The following LRRC69 variants were observed in gnomAD, a reference collection of about 807,000 sequenced individuals.
LRRC69 encodes leucine-rich repeat-containing protein 69.
A neutral mutation model predicts 37.8 loss-of-function variants in LRRC69; 42 were observed. The observed-to-expected ratio is 1.11, with a 90% CI of 0.87 to 1.44. LRRC69 has a LOEUF of 1.44. Ranked by LOEUF, LRRC69 falls within the 40% of genes most tolerant of loss-of-function variation. The pLI is 0.00. For synonymous variants in LRRC69, 141 were observed against 143.1 expected, an observed-to-expected ratio of 0.99 and a Z score of 0.11; for missense variants, 357 against 401.9, an observed-to-expected ratio of 0.89 and a Z score of 0.96.
exon 7 of LRRC69, chr8:91,200,642 G>A (rs1321434787): frequency 1.0e-5 from 15 of 1,458,364 alleles, no homozygotes; most frequent in Non-Finnish European, 1.4e-5. Flanking sequence ...TAATGAATCA[G>A]CTAGCAGAAA....
chr8:91,125,852 GT>G (rs1314804036), intron 2 of LRRC69, among the ~76,000 whole-genome samples: 1 of 151,428 alleles, frequency 6.6e-6, no homozygotes, highest in Non-Finnish European at 1.5e-5. Context: ...AATGTCTTTA[GT>G]TTCTATATTT....
At chr8:91,135,837 G>A in intron 5 of LRRC69, 98 bp downstream of exon 5, 2 of 559,052 alleles carry the variant, frequency 3.6e-6, no homozygotes, top group Non-Finnish European at 5.9e-6. Context: ...TGTAGTAATT[G>A]AAACCTTAAA....
intron 6 of LRRC69, among the ~76,000 whole-genome samples, chr8:91,198,538 A>G (rs1315601108): frequency 2.0e-5 from 3 of 151,162 alleles, no homozygotes; most frequent in East Asian, 3.9e-4. Context: ...TTTTCATATT[A>G]TATAATTTTT....
chr8:91,170,410 T>G (rs1453025118), intron 5 of LRRC69, among the ~76,000 whole-genome samples: 4 of 147,260 alleles, frequency 2.7e-5, no homozygotes, highest in African/African-American at 7.6e-5. Context: ...TACTTTAAAG[T>G]TCATATGGAA....
chr8:91,164,678 A>G (rs1808999415), intron 5 of LRRC69, among the ~76,000 whole-genome samples: 1 of 151,668 alleles, frequency 6.6e-6, no homozygotes, highest in Non-Finnish European at 1.5e-5. Context: ...TTTAATTTTC[A>G]TTATAGTTTC....
chr8:91,154,356 A>T (rs1255128832), intron 5 of LRRC69, among the ~76,000 whole-genome samples: 1 of 151,674 alleles, frequency 6.6e-6, no homozygotes, highest in Non-Finnish European at 1.5e-5. Context: ...TCAAAAGGAG[A>T]CACTCCTCCC....
At chr8:91,188,985 T>G (rs1291872168) in intron 5 of LRRC69, among the ~76,000 whole-genome samples, 2 of 152,050 alleles carry the variant, frequency 1.3e-5, no homozygotes, top group Admixed American at 1.3e-4. Flanking sequence ...CCACCACACC[T>G]GGCTAATTTT....
chr8:91,185,541 T>G (rs1457138190), intron 5 of LRRC69, among the ~76,000 whole-genome samples: 2 of 151,320 alleles, frequency 1.3e-5, no homozygotes, highest in Non-Finnish European at 2.9e-5. Flanking sequence ...CTCCCTTTCA[T>G]GCAGGGTGTG....
Position 91,200,812 on chromosome 8 carries a change from C to G in LRRC69, c.933+20C>G, listed in dbSNP as rs183690151. 6.6e-7 allele frequency: 1 copy of G among 1,515,090 alleles called. No individual in the cohort carries two copies. The highest frequency in any genetic ancestry group is 2.4e-5 in the Admixed American group (1 of 42,518). The allele number at this position is 1,515,090 out of a possible 1,614,324, so 93.9% of individuals were successfully genotyped here. On this transcript the variant is annotated intron_variant, in intron 7 of 7. Transcript: ENST00000448384. Reference sequence around the variant, plus strand: ...CCAAAGGTAAATGATGCTTTTTATGCGAATATGAGCATAATACTGATTCCT... The same window carrying G: ...CCAAAGGTAAATGATGCTTTTTATGGGAATATGAGCATAATACTGATTCCT...
intron 7 of LRRC69, among the ~76,000 whole-genome samples, chr8:91,208,234 AG>A (rs1271052561): frequency 6.6e-6 from 1 of 152,138 alleles, no homozygotes; most frequent in Non-Finnish European, 1.5e-5. Context: ...GAGTTGTTGA[AG>A]TAGTGGGGTA....
intron 7 of LRRC69, among the ~76,000 whole-genome samples, chr8:91,205,877 G>T (rs1400339593): frequency 1.3e-5 from 2 of 152,172 alleles, no homozygotes; most frequent in African/African-American, 4.8e-5. Flanking sequence ...AAGAAACAGT[G>T]ATTTAAGTTG....
At chr8:91,198,305 G>A (rs889194251) in intron 6 of LRRC69, among the ~76,000 whole-genome samples, 66 of 152,140 alleles carry the variant, frequency 4.3e-4, no homozygotes, top group African/African-American at 1.6e-3. Context: ...TACAGATGAG[G>A]TGTTCAAGAC....
intron 5 of LRRC69, among the ~76,000 whole-genome samples, chr8:91,139,826 C>T (rs994702715): frequency 3.3e-5 from 5 of 151,626 alleles, no homozygotes; most frequent in African/African-American, 9.7e-5. Context: ...CGGTGGCTTA[C>T]GCCTGTAATC....
intron 5 of LRRC69, chr8:91,158,814 G>A (rs1808885388): frequency 4.2e-6 from 3 of 717,890 alleles, no homozygotes. Context: ...AACAATGTAT[G>A]TGAAAGTGTA....
intron 7 of LRRC69, among the ~76,000 whole-genome samples, chr8:91,216,291 C>A (rs908459640): frequency 1.3e-5 from 2 of 152,026 alleles, no homozygotes; most frequent in African/African-American, 2.4e-5. Context: ...CAATAAGAGC[C>A]AACCTAAACT....
intron 6 of LRRC69, among the ~76,000 whole-genome samples, chr8:91,192,278 C>T (rs1038380181): frequency 1.3e-5 from 2 of 151,822 alleles, no homozygotes; most frequent in African/African-American, 2.4e-5. Flanking sequence ...CAAGTCTTTG[C>T]TATTGTGAAT....
intron 7 of LRRC69, among the ~76,000 whole-genome samples, chr8:91,216,249 A>G (rs1193566449): frequency 1.3e-5 from 2 of 152,296 alleles, no homozygotes; most frequent in East Asian, 1.9e-4. Context: ...AGAAGGGGAA[A>G]GAGGGACACA....
chr8:91,145,514 A>C (rs912402582), intron 5 of LRRC69, among the ~76,000 whole-genome samples: 2 of 151,932 alleles, frequency 1.3e-5, no homozygotes, highest in Admixed American at 6.6e-5. Context: ...ATGCCTCTCT[A>C]AAATTTGACC....
chr8:91,103,919 G>A (rs1813263481), intron 1 of LRRC69, among the ~76,000 whole-genome samples: 1 of 151,722 alleles, frequency 6.6e-6, no homozygotes, highest in South Asian at 2.1e-4. Flanking sequence ...CATTAAAGTA[G>A]TACTAACCAT....
Sources: gnomAD v4.1 joint callset for allele counts (sites outside exome capture counted in the v4.1 genomes callset) on GRCh38, gnomAD v4.1.1 for gene constraint, MANE v1.5 for transcripts, NCBI Gene and HGNC (gene_info 2026-07-23, HGNC 2026-07-21) for gene names.